The following CPSF6 variants were observed in gnomAD, a reference collection of about 807,000 sequenced individuals.
CPSF6 encodes the protein cleavage and polyadenylation specific factor 6.
Under a neutral mutation model 56.7 loss-of-function variants are expected in CPSF6, and 10 were observed. That is an observed-to-expected ratio of 0.18 (90% CI 0.11 to 0.30). CPSF6 has a LOEUF of 0.30. Among genes scored for constraint, CPSF6 ranks in the 10% least tolerant of loss-of-function variants. The pLI is 1.00. For missense variants in CPSF6, 419 were observed against 722.9 expected (o/e 0.58, Z 4.82); for synonymous variants, 248 against 244.8 (o/e 1.01, Z -0.12).
intron 1 of CPSF6, among the ~76,000 whole-genome samples, chr12:69,241,404 G>A (rs1049790019): frequency 1.3e-5 from 2 of 152,208 alleles, no homozygotes; most frequent in Non-Finnish European, 2.9e-5. Flanking sequence ...AAAGAGGGCT[G>A]TAACTGCAAG....
rs1026392336 is a variant in CPSF6 at position 69,273,605 on chromosome 12, G to A, written c.*4097G>A. The A allele has an allele frequency of 6.6e-6, 1 of 151,972 alleles. No individual in the cohort carries two copies. Among genetic ancestry groups the A allele is most frequent in the African/African-American group, 2.4e-5 (1 of 41,394 alleles). The allele number at this position is 151,972 out of a possible 1,614,324, so 9.4% of individuals were successfully genotyped here. On this transcript the variant is annotated 3_prime_UTR_variant, in exon 10 of 10. Transcript: ENST00000435070. Reference sequence around the variant, plus strand: ...TTAGCGAAAACATTTTGTTTTGAAAGTGTGTTCTTTTTGTCGCACTGTTAC... The same window carrying A: ...TTAGCGAAAACATTTTGTTTTGAAAATGTGTTCTTTTTGTCGCACTGTTAC...
At position 69,239,613 on chromosome 12, in the gene CPSF6, C is replaced by T. The variant is rs367612178; in HGVS notation, c.-34C>T. The T allele has an allele frequency of 9.4e-3, 12,509 of 1,325,940 alleles. 99 individuals are homozygous for T. Among genetic ancestry groups the T allele is most frequent in the Non-Finnish European group, 9.8e-3 (9,684 of 987,208 alleles). 82.1% of individuals were successfully genotyped at this position (1,325,940 alleles called of 1,614,324 possible). On this transcript the variant is annotated 5_prime_UTR_variant, in exon 1 of 10. Coordinates refer to ENST00000435070, the MANE Select transcript of CPSF6 (RefSeq NM_007007.3). ...CCGCGGCGGGCAGACCTGCAGGAGG[C>T]GGCGGCGGCGGCGGCGGCCGAGGCT...
chr12:69,255,602 C>T (rs766589432), intron 3 of CPSF6, among the ~76,000 whole-genome samples: 65 of 152,056 alleles, frequency 4.3e-4, no homozygotes, highest in Non-Finnish European at 9.0e-4. Flanking sequence ...AGTGCAGTGG[C>T]GCAATCTTGG....
chr12:69,252,344 A>G, intron 2 of CPSF6: 2 of 258,160 alleles, frequency 7.7e-6, no homozygotes, highest in Non-Finnish European at 1.6e-5. Context: ...CAAGCTCTCA[A>G]AGTGCTAGGA....
At chr12:69,256,281 GT>G in intron 3 of CPSF6, among the ~76,000 whole-genome samples, 1 of 152,214 alleles carries the variant, frequency 6.6e-6, no homozygotes, top group African/African-American at 2.4e-5. Flanking sequence ...TGATGAAAAT[GT>G]TTTAAAATTG....
In CPSF6 at chr12:69,251,114, A is replaced by G. The variant is rs1872221614; in HGVS notation, c.61-15A>G. Reference sequence around the variant, plus strand: ...TGACTTTTGTATAATCTAGAGCATTATTTCTGTATCTCAGGAAGCTGAATA... The same window carrying G: ...TGACTTTTGTATAATCTAGAGCATTGTTTCTGTATCTCAGGAAGCTGAATA... On this transcript the variant is annotated splice_polypyrimidine_tract_variant and intron_variant, in intron 1 of 9. Coordinates refer to ENST00000435070, the MANE Select transcript of CPSF6 (RefSeq NM_007007.3). The G allele has an allele frequency of 5.6e-6, 9 of 1,603,122 alleles. No individual in the cohort carries two copies. The highest frequency in any genetic ancestry group is 6.8e-6 in the Non-Finnish European group (8 of 1,172,198).
intron 1 of CPSF6, among the ~76,000 whole-genome samples, chr12:69,249,071 T>C (rs551874197): frequency 6.8e-6 from 1 of 146,906 alleles, no homozygotes; most frequent in East Asian, 2.0e-4. Context: ...CCATCCTGCC[T>C]AACACGGTGA....
chr12:69,249,766 A>G (rs902736459), intron 1 of CPSF6, among the ~76,000 whole-genome samples: 1 of 151,958 alleles, frequency 6.6e-6, no homozygotes. Context: ...TTTTACCTAC[A>G]TTTCATTTTT....
intron 1 of CPSF6, among the ~76,000 whole-genome samples, chr12:69,242,239 G>A (rs1324742272): frequency 2.6e-5 from 4 of 151,920 alleles, no homozygotes; most frequent in Non-Finnish European, 5.9e-5. Flanking sequence ...GTAAACTGCA[G>A]TTCTCATTGG....
At chr12:69,254,565 G>A (rs552827071) in intron 3 of CPSF6, among the ~76,000 whole-genome samples, 1 of 152,222 alleles carries the variant, frequency 6.6e-6, no homozygotes, top group South Asian at 2.1e-4. Flanking sequence ...AAGCCTTTAA[G>A]CTTAATGAGA....
chr12:69,242,407 A>G (rs1052775878), intron 1 of CPSF6, among the ~76,000 whole-genome samples: 2 of 152,178 alleles, frequency 1.3e-5, no homozygotes, highest in African/African-American at 2.4e-5. Context: ...ATTTGCATCT[A>G]TTGAAGTAGA....
intron 1 of CPSF6, among the ~76,000 whole-genome samples, chr12:69,242,814 G>A (rs1871696196): frequency 6.6e-6 from 1 of 152,134 alleles, no homozygotes; most frequent in South Asian, 2.1e-4. Flanking sequence ...TAATTTAAAA[G>A]TTGAATTGTT....
intron 2 of CPSF6, chr12:69,252,265 TAG>T: frequency 3.0e-6 from 1 of 332,416 alleles, no homozygotes; most frequent in South Asian, 2.3e-5. Context: ...AACACTTTTG[TAG>T]AGCTGACTTC....
intron 8 of CPSF6, among the ~76,000 whole-genome samples, chr12:69,262,034 C>G (rs1271480721): frequency 6.6e-6 from 1 of 152,152 alleles, no homozygotes. Flanking sequence ...TGTTCTTTAG[C>G]TTGAAACACG....
intron 1 of CPSF6, among the ~76,000 whole-genome samples, chr12:69,246,219 T>G (rs1854762707): frequency 6.6e-6 from 1 of 152,218 alleles, no homozygotes. Context: ...TCATTTTGCT[T>G]TACGTTCAGT....
chr12:69,266,435 A>G (rs1872986802), intron 9 of CPSF6, among the ~76,000 whole-genome samples: 1 of 152,216 alleles, frequency 6.6e-6, no homozygotes. Flanking sequence ...GTTTAAGAAT[A>G]TAGTTTTGTT....
intron 2 of CPSF6, 92 bp downstream of exon 2, chr12:69,251,430 G>A: frequency 1.2e-6 from 1 of 858,842 alleles, no homozygotes; most frequent in Non-Finnish European, 1.8e-6. Context: ...TTATAAGTTT[G>A]AAGTTACTGT....
At chr12:69,261,756 T>C (rs1028938737) in intron 8 of CPSF6, among the ~76,000 whole-genome samples, 2 of 152,226 alleles carry the variant, frequency 1.3e-5, no homozygotes, top group Admixed American at 6.5e-5. Context: ...GGTTAAATTA[T>C]TTGTTTTTAA....
At chr12:69,250,461 G>A (rs965297010) in intron 1 of CPSF6, among the ~76,000 whole-genome samples, 5 of 151,106 alleles carry the variant, frequency 3.3e-5, no homozygotes, top group Non-Finnish European at 5.9e-5. Context: ...AGTAGGTTTC[G>A]TTATATAGAA....
Sources: allele counts gnomAD v4.1 joint callset (sites outside exome capture counted in the v4.1 genomes callset), GRCh38; gene constraint gnomAD v4.1.1; transcripts MANE v1.5; gene names NCBI Gene and HGNC (gene_info 2026-07-23, HGNC 2026-07-21).